Variants in KDM4C observed in about 807,000 individuals in gnomAD.
KDM4C encodes the protein lysine-specific demethylase 4C.
In KDM4C, 81 loss-of-function variants were observed where a neutral mutation model predicts 129.3. That is an observed-to-expected ratio of 0.63 (90% CI 0.52 to 0.75). The LOEUF (loss-of-function observed/expected upper bound fraction) is 0.75, where lower values mean the gene tolerates loss of function less well. KDM4C is among the 30% of genes least tolerant of loss of function. The pLI, the probability that KDM4C is intolerant of heterozygous loss-of-function variation, is 0.00. For synonymous variants in KDM4C, 573 were observed against 456.1 expected, an observed-to-expected ratio of 1.26 and a Z score of -3.26; for missense variants, 1,457 against 1,304.0, an observed-to-expected ratio of 1.12 and a Z score of -1.81.
chr9:6,872,534 C>T (rs12375959), intron 5 of KDM4C, among the ~76,000 whole-genome samples: 30,752 of 152,042 alleles, frequency 0.2, 3,723 homozygotes, highest in Middle Eastern at 0.38. Context: ...AAGAACTTGC[C>T]TTATGAATCC....
chr9:6,956,764 G>C (rs1255224022), intron 8 of KDM4C, among the ~76,000 whole-genome samples: 1 of 152,186 alleles, frequency 6.6e-6, no homozygotes, highest in Non-Finnish European at 1.5e-5. Flanking sequence ...GATGTTGTCT[G>C]TGCAGCTTAG....
chr9:6,866,030 C>T (rs1013513325), intron 5 of KDM4C, among the ~76,000 whole-genome samples: 3 of 151,946 alleles, frequency 2.0e-5, no homozygotes, highest in East Asian at 1.9e-4. Flanking sequence ...TGGGATTCAC[C>T]GTGCCTGGCC....
At chr9:7,169,249 C>T (rs1844713665) in intron 20 of KDM4C, among the ~76,000 whole-genome samples, 1 of 152,158 alleles carries the variant, frequency 6.6e-6, no homozygotes, top group Non-Finnish European at 1.5e-5. Flanking sequence ...GTTGCTTCGC[C>T]AGATAAAGTT....
intron 20 of KDM4C, 50 bp from the exon 21 acceptor site, chr9:7,169,748 G>T: frequency 7.1e-7 from 1 of 1,415,486 alleles, no homozygotes; most frequent in Non-Finnish European, 9.8e-7. Flanking sequence ...CTTTAAAAAT[G>T]GTCAGTGCTG....
At chr9:6,720,956 A>C in exon 1 of KDM4C, 1 of 1,551,686 alleles carries the variant, frequency 6.4e-7, no homozygotes, top group Non-Finnish European at 8.7e-7. Flanking sequence ...TTGATGAAGC[A>C]CTATGGGCTG....
chr9:6,996,342 T>C (rs1046484215), intron 12 of KDM4C, among the ~76,000 whole-genome samples: 4 of 152,212 alleles, frequency 2.6e-5, no homozygotes, highest in Admixed American at 6.5e-5. Flanking sequence ...CACACCCCCT[T>C]CCCCCTTCTT....
chr9:7,163,798 A>G (rs182683384), intron 19 of KDM4C, among the ~76,000 whole-genome samples: 38 of 152,298 alleles, frequency 2.5e-4, no homozygotes, highest in African/African-American at 7.5e-4. Flanking sequence ...GTCAAGTCCT[A>G]TGAGGGCCAA....
At chr9:6,904,282 T>C (rs1311841244) in intron 8 of KDM4C, among the ~76,000 whole-genome samples, 1 of 152,176 alleles carries the variant, frequency 6.6e-6, no homozygotes, top group Non-Finnish European at 1.5e-5. Flanking sequence ...ATCTATATAT[T>C]TATACCTATA....
rs142606656 is a variant in KDM4C, at chr9:7,152,858, C to T, written c.2782-12380C>T. On this transcript the variant is annotated intron_variant, in intron 19 of 21. Coordinates refer to ENST00000381309, the MANE Select transcript of KDM4C (RefSeq NM_015061.6). Reference sequence around the variant, plus strand: ...AACATGAAAGAAAATAAAGGCTGGACCGGCTGCAGGGGAAAGATTGTGCAT... The same window carrying T: ...AACATGAAAGAAAATAAAGGCTGGATCGGCTGCAGGGGAAAGATTGTGCAT... 1.3e-3 allele frequency among the ~76,000 whole-genome samples: 194 copies of T among 152,152 alleles called. 1 individual carries two copies. The highest frequency in any genetic ancestry group is 4.3e-3 in the African/African-American group (179 of 41,490).
chr9:6,997,046 G>C (rs1229980044), intron 12 of KDM4C, among the ~76,000 whole-genome samples: 1 of 152,206 alleles, frequency 6.6e-6, no homozygotes, highest in Non-Finnish European at 1.5e-5. Context: ...GGGTCAGTCG[G>C]CTCCAGCACT....
At chr9:6,939,835 A>G (rs915695339) in intron 8 of KDM4C, among the ~76,000 whole-genome samples, 5 of 152,212 alleles carry the variant, frequency 3.3e-5, no homozygotes, top group Admixed American at 2.6e-4. Context: ...TATGTTATTT[A>G]TATTGAATTA....
intron 19 of KDM4C, among the ~76,000 whole-genome samples, chr9:7,160,555 C>T (rs147783839): frequency 7.2e-4 from 110 of 152,238 alleles, no homozygotes; most frequent in African/African-American, 2.3e-3. Flanking sequence ...TATTCCCTTC[C>T]GGTTGTTAGT....
At chr9:6,935,485 C>T (rs1824604632) in intron 8 of KDM4C, among the ~76,000 whole-genome samples, 2 of 151,444 alleles carry the variant, frequency 1.3e-5, no homozygotes, top group South Asian at 2.1e-4. Context: ...GGCATGATCT[C>T]AGTTCACTGC....
chr9:6,881,834 G>T (rs1309147424), intron 6 of KDM4C, among the ~76,000 whole-genome samples: 1 of 152,180 alleles, frequency 6.6e-6, no homozygotes, highest in Non-Finnish European at 1.5e-5. Flanking sequence ...CCAGATGCCA[G>T]CCAAAATAAT....
At chr9:6,807,970 G>A (rs1409587608) in intron 3 of KDM4C, among the ~76,000 whole-genome samples, 5 of 110,474 alleles carry the variant, frequency 4.5e-5, no homozygotes, top group Admixed American at 8.0e-5. Context: ...CCGGCCAGCC[G>A]CCCCGTCCGG....
chr9:6,835,177 A>G lies in KDM4C; in HGVS notation c.436-14330A>G, dbSNP rs1157703713. On this transcript the variant is annotated intron_variant, in intron 4 of 21. Transcript: ENST00000381309. ...CTCCCTGGAGAAGAGCTATGAGCTG[A>G]CTGACGGCCAGGTCATCACCATCGG... 3 of 940,562 alleles carry G rather than the reference A, an allele frequency of 3.2e-6. No homozygotes were observed. The African/African-American group carries it at 4.8e-5, about 15-fold the overall frequency. The allele number at this position is 940,562 out of a possible 1,614,324, so 58.3% of individuals were successfully genotyped here. A position where few individuals can be genotyped will look rare whatever the true frequency, so the allele number is the denominator to read the frequency against.
At chr9:6,788,220 T>C (rs1331392955) in intron 1 of KDM4C, among the ~76,000 whole-genome samples, 4 of 152,228 alleles carry the variant, frequency 2.6e-5, no homozygotes, top group African/African-American at 9.7e-5. Flanking sequence ...GTACTTTTTA[T>C]TGTCTGTTTC....
At chr9:6,802,601 C>G (rs1829215176) in intron 2 of KDM4C, among the ~76,000 whole-genome samples, 2 of 152,146 alleles carry the variant, frequency 1.3e-5, no homozygotes. Flanking sequence ...AGAACTTCAG[C>G]TACATAGGCT....
chr9:7,106,961 C>G (rs931431649), intron 18 of KDM4C, among the ~76,000 whole-genome samples: 4 of 152,120 alleles, frequency 2.6e-5, no homozygotes, highest in Non-Finnish European at 4.4e-5. Context: ...TAGGGTAAAA[C>G]TTCCTAAAGA....
Sources: gnomAD v4.1 joint callset for allele counts (sites outside exome capture counted in the v4.1 genomes callset) on GRCh38, gnomAD v4.1.1 for gene constraint, MANE v1.5 for transcripts, NCBI Gene and HGNC (gene_info 2026-07-23, HGNC 2026-07-21) for gene names.